The following MTREX variants were observed in gnomAD, a reference collection of about 807,000 sequenced individuals.
The protein encoded by MTREX is Mtr4 exosome RNA helicase, also known as exosome RNA helicase MTR4.
Under a neutral mutation model 135.4 loss-of-function variants are expected in MTREX, and 76 were observed. The ratio of observed to expected loss-of-function variants is 0.56; its 90% CI spans 0.47 to 0.68. The LOEUF (loss-of-function observed/expected upper bound fraction) is 0.68, where lower values mean the gene tolerates loss of function less well. Ranked by LOEUF, MTREX falls within the 30% of genes least tolerant of loss-of-function variation. The pLI, the probability that MTREX is intolerant of heterozygous loss-of-function variation, is 0.00. For synonymous variants in MTREX, 404 were observed against 401.6 expected (o/e 1.01, Z -0.07); for missense variants, 920 against 1,262.1 (o/e 0.73, Z 4.11).
At chr5:55,320,270 T>A (rs1007700965) in intron 1 of MTREX, among the ~76,000 whole-genome samples, 3 of 149,652 alleles carry the variant, frequency 2.0e-5, no homozygotes, top group Non-Finnish European at 4.4e-5. Flanking sequence ...CAGGCTGGAG[T>A]ACAGTGGCAC....
In MTREX at chr5:55,329,009, T is replaced by C. The variant is rs148818633; in HGVS notation, c.515+198T>C. On this transcript the variant is annotated intron_variant, in intron 5 of 26. Coordinates refer to ENST00000230640, the MANE Select transcript of MTREX (RefSeq NM_015360.5). Reference sequence around the variant, plus strand: ...GGACATTCTTTTCTTGTTCCTCATATTAGGAGAAAAACACTCAGGCTTTCA... The same window carrying C: ...GGACATTCTTTTCTTGTTCCTCATACTAGGAGAAAAACACTCAGGCTTTCA... 3.9e-4 allele frequency among the ~76,000 whole-genome samples: 60 copies of C among 152,300 alleles called. No homozygotes were observed. In the East Asian group the frequency reaches 7.3e-3, roughly 19 times the overall value.
chr5:55,399,767 G>T (rs1024721786), intron 20 of MTREX, among the ~76,000 whole-genome samples: 1 of 152,172 alleles, frequency 6.6e-6, no homozygotes, highest in South Asian at 2.1e-4. Context: ...GATTACAGGC[G>T]TGAGCCACCG....
Position 55,425,100 on chromosome 5 carries a change from G to GTCTT in MTREX, c.*330_*333dup. The GTCTT allele has an allele frequency of 7.1e-7, 1 of 1,406,304 alleles. No individual in the cohort carries two copies. Among genetic ancestry groups the GTCTT allele is most frequent in the Non-Finnish European group, 9.6e-7 (1 of 1,038,414 alleles). The allele number at this position is 1,406,304 out of a possible 1,614,324, so 87.1% of individuals were successfully genotyped here. ...TCCAAGAGGCATAGCAGCAGCAGAA[G>GTCTT]TCTTTAAAGGCTTGTACACCAGGAA... On this transcript the variant is annotated 3_prime_UTR_variant, in exon 27 of 27. Transcript: ENST00000230640.
intron 25 of MTREX, among the ~76,000 whole-genome samples, chr5:55,417,572 A>G (rs1750985666): frequency 6.6e-6 from 1 of 152,250 alleles, no homozygotes. Context: ...GATGATGTTT[A>G]GCAACATCTC....
intron 16 of MTREX, among the ~76,000 whole-genome samples, chr5:55,375,145 G>A (rs1750274659): frequency 1.3e-5 from 2 of 152,200 alleles, no homozygotes; most frequent in Admixed American, 6.5e-5. Context: ...CAGGACCGCA[G>A]GACCAGGGCG....
intron 22 of MTREX, 91 bp downstream of exon 22, chr5:55,405,679 G>A: frequency 8.7e-7 from 1 of 1,153,230 alleles, no homozygotes; most frequent in Non-Finnish European, 1.2e-6. Context: ...GAGTCTCACT[G>A]TTGCCCAGGC....
chr5:55,341,807 C>T (rs755878934), intron 7 of MTREX, 36 bp downstream of exon 7: 16 of 1,020,958 alleles, frequency 1.6e-5, no homozygotes, highest in Non-Finnish European at 8.7e-6. Flanking sequence ...CATGTATTTC[C>T]CTTCAGAATG....
chr5:55,397,525 A>T lies in MTREX; in HGVS notation c.2291A>T (p.Gln764Leu). The T allele has an allele frequency of 6.4e-7, 1 of 1,567,244 alleles. No homozygotes were observed. The highest frequency in any genetic ancestry group is 8.8e-7 in the Non-Finnish European group (1 of 1,142,494). The change falls in exon 20 of 27, where the codon CAG becomes CTG. Residue 764 changes from glutamine (Q) to leucine (L), a missense_variant and splice_region_variant. Physicochemically the swap from Gln to Leu is moderately radical, Grantham distance 113 (BLOSUM62 -2). Transcript: ENST00000230640. ...AGACAGAGTGTTTTAAAATCAATAC[A>T]GGTATGTGTTAATTTCATAAGTTAA... The part of the protein sequence containing the change: ...DNRQSVLKSI[Q>L]EVQKRFPDGI...
At chr5:55,336,545 A>C (rs756090166) in intron 5 of MTREX, among the ~76,000 whole-genome samples, 2 of 152,210 alleles carry the variant, frequency 1.3e-5, no homozygotes, top group African/African-American at 2.4e-5. Context: ...CTGATTTTAA[A>C]CCAACCTTGT....
chr5:55,415,306 A>C (rs1750950349), intron 24 of MTREX, among the ~76,000 whole-genome samples: 1 of 152,138 alleles, frequency 6.6e-6, no homozygotes, highest in African/African-American at 2.4e-5. Flanking sequence ...CTGAGTCACA[A>C]GTTTACCTAG....
intron 5 of MTREX, among the ~76,000 whole-genome samples, chr5:55,336,112 T>C (rs1749548898): frequency 1.3e-5 from 2 of 152,170 alleles, no homozygotes; most frequent in Non-Finnish European, 2.9e-5. Flanking sequence ...AGCAACCTCA[T>C]CATGTTTCCT....
chr5:55,378,538 A>G, intron 17 of MTREX, 52 bp downstream of exon 17: 3 of 1,516,994 alleles, frequency 2.0e-6, no homozygotes, highest in Non-Finnish European at 2.7e-6. Flanking sequence ...ATTTAAACAT[A>G]TTTTTGTTAA....
intron 18 of MTREX, among the ~76,000 whole-genome samples, chr5:55,383,460 G>T (rs1750430057): frequency 6.6e-6 from 1 of 152,092 alleles, no homozygotes; most frequent in South Asian, 2.1e-4. Context: ...TTGGTTAACA[G>T]TTGTTTGTTT....
Position 55,363,118 on chromosome 5 carries a change from GTTAT to G in MTREX, c.1660-3603_1660-3600del, listed in dbSNP as rs1750044594. ...AGGAAAAATAATTTTGACCTTACTG[GTTAT>G]TTAAATTATTTGTAAATTTAAGAAG... On this transcript the variant is annotated intron_variant, in intron 15 of 26. Transcript: ENST00000230640. 2.0e-5 allele frequency among the ~76,000 whole-genome samples: 3 copies of G among 152,046 alleles called. No individual in the cohort carries two copies. The South Asian group carries it at 6.2e-4, about 32-fold the overall frequency.
chr5:55,327,059 G>A (rs561273849), intron 3 of MTREX, among the ~76,000 whole-genome samples: 2 of 152,270 alleles, frequency 1.3e-5, no homozygotes, highest in South Asian at 4.2e-4. Flanking sequence ...AGTATTCCAT[G>A]GTGTATATGT....
At chr5:55,338,140 C>G (rs1402615635) in intron 5 of MTREX, among the ~76,000 whole-genome samples, 1 of 151,930 alleles carries the variant, frequency 6.6e-6, no homozygotes, top group Non-Finnish European at 1.5e-5. Context: ...TTATATATAC[C>G]TTTACATACA....
At position 55,414,228 on chromosome 5, in the gene MTREX, G is replaced by A. The variant is rs1353412692; in HGVS notation, c.2798G>A (p.Arg933His). The A allele has an allele frequency of 5.8e-6, 9 of 1,540,608 alleles. No homozygotes were observed. Among genetic ancestry groups the A allele is most frequent in the South Asian group, 1.2e-5 (1 of 80,094 alleles). Residue 933 changes from arginine (R) to histidine (H), a missense_variant, in exon 24 of 27, where the codon CGT (arginine) becomes CAT (histidine). Transcript: ENST00000230640. ...KLTEQLAGPL[R>H]QMQECAKRIA... ...ACAGAACAATTAGCAGGACCACTTC[G>A]TCAAATGCAGGTAAGGTTTTTTTTT... is the stretch of plus-strand genomic sequence containing the variant.
chr5:55,418,114 G>A (rs1449291292), intron 25 of MTREX, among the ~76,000 whole-genome samples: 2 of 150,826 alleles, frequency 1.3e-5, no homozygotes, highest in East Asian at 3.9e-4. Flanking sequence ...GGAGCCTGTA[G>A]TCCCAGCTAC....
At chr5:55,381,792 T>G (rs1403011153) in intron 18 of MTREX, among the ~76,000 whole-genome samples, 1 of 152,232 alleles carries the variant, frequency 6.6e-6, no homozygotes, top group Non-Finnish European at 1.5e-5. Flanking sequence ...CTTAGACTTC[T>G]TTCTTTGCAG....
Sources: allele counts gnomAD v4.1 joint callset (sites outside exome capture counted in the v4.1 genomes callset), GRCh38; gene constraint gnomAD v4.1.1; transcripts MANE v1.5; gene names NCBI Gene and HGNC (gene_info 2026-07-23, HGNC 2026-07-21).